FMNL2: variants seen among roughly 807,000 people sequenced by gnomAD.
FMNL2 encodes formin-like protein 2.
Under a neutral mutation model 130.2 loss-of-function variants are expected in FMNL2, and 51 were observed. The ratio of observed to expected loss-of-function variants is 0.39; its 90% CI spans 0.31 to 0.49. FMNL2 has a LOEUF of 0.49. Among genes scored for constraint, FMNL2 ranks in the 20% least tolerant of loss-of-function variants. The pLI is 0.85. For missense variants in FMNL2, 977 were observed against 1,316.2 expected, an observed-to-expected ratio of 0.74 and a Z score of 3.99; for synonymous variants, 465 against 467.1, an observed-to-expected ratio of 1.00 and a Z score of 0.06.
intron 1 of FMNL2, among the ~76,000 whole-genome samples, chr2:152,387,490 ATG>A (rs1684848884): frequency 6.6e-6 from 1 of 152,240 alleles, no homozygotes. Context: ...TTTTCTATAA[ATG>A]TATGAAATAT....
chr2:152,640,730 G>T, intron 24 of FMNL2, 61 bp from the exon 25 acceptor site: 1 of 1,569,700 alleles, frequency 6.4e-7, no homozygotes, highest in Admixed American at 2.0e-5. Flanking sequence ...GCACATTTTG[G>T]ATTTTCACAA....
At chr2:152,526,830 T>TA (rs1281694140) in intron 2 of FMNL2, among the ~76,000 whole-genome samples, 5 of 152,078 alleles carry the variant, frequency 3.3e-5, no homozygotes, top group Non-Finnish European at 7.4e-5. Flanking sequence ...CATCTTTTTT[T>TA]TAAAAAAATC....
intron 11 of FMNL2, 102 bp downstream of exon 11, chr2:152,611,707 T>G: frequency 2.8e-6 from 2 of 726,024 alleles, no homozygotes; most frequent in South Asian, 1.7e-5. Flanking sequence ...CCTAAAGCTC[T>G]ATGCAGTCAA....
At chr2:152,567,942 G>A (rs1647295039) in intron 6 of FMNL2, among the ~76,000 whole-genome samples, 1 of 152,156 alleles carries the variant, frequency 6.6e-6, no homozygotes, top group Non-Finnish European at 1.5e-5. Flanking sequence ...TCTCACAAAT[G>A]TTGGCATGGA....
chr2:152,385,844 G>A (rs553645652), intron 1 of FMNL2, among the ~76,000 whole-genome samples: 1 of 152,278 alleles, frequency 6.6e-6, no homozygotes, highest in African/African-American at 2.4e-5. Context: ...TTATGCCATG[G>A]ATTTTTTTTC....
chr2:152,446,912 A>C (rs1479349195), intron 1 of FMNL2, among the ~76,000 whole-genome samples: 1 of 152,154 alleles, frequency 6.6e-6, no homozygotes, highest in Admixed American at 6.5e-5. Context: ...AGATTTTATA[A>C]ATTTAATAAA....
At chr2:152,512,361 T>A (rs1450954966) in intron 1 of FMNL2, among the ~76,000 whole-genome samples, 1 of 152,184 alleles carries the variant, frequency 6.6e-6, no homozygotes, top group Non-Finnish European at 1.5e-5. Context: ...GCTGGCACTT[T>A]GGCCAGAGGA....
At chr2:152,417,527 A>G (rs573823144) in intron 1 of FMNL2, among the ~76,000 whole-genome samples, 2 of 152,182 alleles carry the variant, frequency 1.3e-5, no homozygotes, top group African/African-American at 4.8e-5. Flanking sequence ...ATTTGCTTAC[A>G]TTGAGGTGTT....
chr2:152,357,611 A>G (rs1298089550), intron 1 of FMNL2, among the ~76,000 whole-genome samples: 1 of 142,368 alleles, frequency 7.0e-6, no homozygotes, highest in Non-Finnish European at 1.5e-5. Context: ...AAATCAGTTT[A>G]ATGTATAACG....
chr2:152,636,439 A>G lies in FMNL2; in HGVS notation c.2693A>G (p.Asn898Ser). Reference protein sequence around the residue: ...VEKAAAVSLENVLLDVKELQR... With the variant: ...VEKAAAVSLESVLLDVKELQR... ...TTCTCTGCTTTAGTCTCCCTTGAGA[A>G]TGTTTTGCTGGATGTCAAGGAGCTC... The change falls in exon 22 of 26, where the codon AAT becomes AGT. Residue 898 changes from asparagine (N) to serine (S), a missense_variant. By Grantham distance (46) the Asn-to-Ser change is conservative. Transcript: ENST00000288670. 3 of 1,611,788 alleles carry G rather than the reference A, an allele frequency of 1.9e-6. No individual in the cohort carries two copies. The highest frequency in any genetic ancestry group is 2.5e-6 in the Non-Finnish European group (3 of 1,178,888).
intron 1 of FMNL2, among the ~76,000 whole-genome samples, chr2:152,338,305 G>A (rs1249755618): frequency 6.6e-6 from 1 of 152,158 alleles, no homozygotes; most frequent in African/African-American, 2.4e-5. Flanking sequence ...CTCATTGTAA[G>A]TATGGCTAAC....
At chr2:152,539,006 C>T (rs1330007726) in intron 2 of FMNL2, among the ~76,000 whole-genome samples, 2 of 152,056 alleles carry the variant, frequency 1.3e-5, no homozygotes, top group Non-Finnish European at 2.9e-5. Context: ...TATTAAAAGT[C>T]GAAACTGCTT....
chr2:152,503,697 G>A (rs1347953252), intron 1 of FMNL2, among the ~76,000 whole-genome samples: 1 of 152,140 alleles, frequency 6.6e-6, no homozygotes, highest in Non-Finnish European at 1.5e-5. Context: ...TATTTACCTG[G>A]GCCATGGATT....
intron 21 of FMNL2, among the ~76,000 whole-genome samples, chr2:152,632,831 T>C (rs112565121): frequency 2.0e-5 from 3 of 152,206 alleles, no homozygotes; most frequent in Non-Finnish European, 2.9e-5. Context: ...AGGAATGATA[T>C]GCAGATTGAC....
chr2:152,639,009 C>G (rs929087835), intron 23 of FMNL2, among the ~76,000 whole-genome samples: 1 of 151,822 alleles, frequency 6.6e-6, no homozygotes, highest in Non-Finnish European at 1.5e-5. Context: ...TGTTGGAGGT[C>G]CCAGCCTGTC....
chr2:152,520,490 G>A (rs1693026378), intron 1 of FMNL2, among the ~76,000 whole-genome samples: 1 of 151,732 alleles, frequency 6.6e-6, no homozygotes, highest in Non-Finnish European at 1.5e-5. Context: ...AGCTACTTAG[G>A]AGGCTGAGGC....
chr2:152,474,799 A>G (rs1049565042), intron 1 of FMNL2, among the ~76,000 whole-genome samples: 5 of 152,234 alleles, frequency 3.3e-5, no homozygotes, highest in Admixed American at 2.6e-4. Flanking sequence ...GAATGGACCT[A>G]TGGAGCCATG....
At chr2:152,509,646 A>G (rs563245423) in intron 1 of FMNL2, among the ~76,000 whole-genome samples, 1 of 148,774 alleles carries the variant, frequency 6.7e-6, no homozygotes, top group Admixed American at 6.7e-5. Context: ...TTGAGATGTA[A>G]GTTTGATGGA....
intron 2 of FMNL2, among the ~76,000 whole-genome samples, chr2:152,533,143 A>G (rs985523470): frequency 2.0e-5 from 3 of 152,168 alleles, no homozygotes; most frequent in Admixed American, 2.0e-4. Flanking sequence ...TTTTTTGTCT[A>G]CCTTCAGGTC....
Sources: allele counts gnomAD v4.1 joint callset (sites outside exome capture counted in the v4.1 genomes callset), GRCh38; gene constraint gnomAD v4.1.1; transcripts MANE v1.5; gene names NCBI Gene and HGNC (gene_info 2026-07-23, HGNC 2026-07-21).